The following ZDHHC14 variants were observed in gnomAD, a reference collection of about 807,000 sequenced individuals.
ZDHHC14 encodes zDHHC palmitoyltransferase 14, also known as palmitoyltransferase ZDHHC14.
A neutral mutation model predicts 47.7 loss-of-function variants in ZDHHC14; 16 were observed. That is an observed-to-expected ratio of 0.34 (90% confidence interval 0.23 to 0.51). ZDHHC14 has a LOEUF of 0.51. Among genes scored for constraint, ZDHHC14 ranks in the 20% least tolerant of loss-of-function variants. ZDHHC14 has a pLI of 0.97. For missense variants in ZDHHC14, 515 were observed against 662.5 expected, an observed-to-expected ratio of 0.78 and a Z score of 2.44; for synonymous variants, 293 against 278.9, an observed-to-expected ratio of 1.05 and a Z score of -0.50.
At chr6:157,491,090 C>T (rs886111689) in intron 1 of ZDHHC14, among the ~76,000 whole-genome samples, 1 of 152,090 alleles carries the variant, frequency 6.6e-6, no homozygotes, top group Non-Finnish European at 1.5e-5. Context: ...CCGCACTGCA[C>T]CTCATCCTCA....
At chr6:157,517,881 G>A (rs965148192) in intron 1 of ZDHHC14, among the ~76,000 whole-genome samples, 7 of 152,182 alleles carry the variant, frequency 4.6e-5, no homozygotes, top group East Asian at 1.9e-4. Flanking sequence ...TAAAAGTGTC[G>A]CTGTTGCCCT....
intron 3 of ZDHHC14, among the ~76,000 whole-genome samples, chr6:157,606,489 C>CT (rs770029543): frequency 1.3e-5 from 2 of 152,078 alleles, no homozygotes; most frequent in Non-Finnish European, 2.9e-5. Context: ...AAAGAAAAAT[C>CT]TGAGGAGAGA....
At chr6:157,428,567 T>TA (rs1479240943) in intron 1 of ZDHHC14, among the ~76,000 whole-genome samples, 1 of 152,176 alleles carries the variant, frequency 6.6e-6, no homozygotes, top group Non-Finnish European at 1.5e-5. Flanking sequence ...AGTGGCCTGT[T>TA]ACGCCTTGTG....
rs1301336830 is a variant in ZDHHC14 at position 157,581,548 on chromosome 6, G to A, written c.407-11440G>A. 2.0e-5 allele frequency among the ~76,000 whole-genome samples: 3 copies of A among 152,244 alleles called. No individual in the cohort carries two copies. The East Asian group carries it at 5.8e-4, about 29-fold the overall frequency. On this transcript the variant is annotated intron_variant, in intron 2 of 8. Transcript: ENST00000359775. ...GATCTCTCACTATTATTGTGTGGGA[G>A]TCTAAGTCTCTTTGTGGGTCTCTAA...
chr6:157,385,097 C>T (rs1346592941), intron 1 of ZDHHC14, among the ~76,000 whole-genome samples: 1 of 151,582 alleles, frequency 6.6e-6, no homozygotes, highest in Non-Finnish European at 1.5e-5. Context: ...GTCTAGATAG[C>T]TTTTTATTGG....
At chr6:157,552,730 A>C (rs960214123) in intron 2 of ZDHHC14, among the ~76,000 whole-genome samples, 4 of 152,150 alleles carry the variant, frequency 2.6e-5, no homozygotes, top group African/African-American at 4.8e-5. Context: ...CTGCTGCCTC[A>C]GAAGCCAGGC....
Position 157,586,435 on chromosome 6 carries a change from G to A in ZDHHC14, c.407-6553G>A, listed in dbSNP as rs1048847917. Reference sequence around the variant, plus strand: ...TAGAAAACAGCATTGCCCGCTCAGGGAAACCCAAGGAGGCCACCGTGTTTT... The same window carrying A: ...TAGAAAACAGCATTGCCCGCTCAGGAAAACCCAAGGAGGCCACCGTGTTTT... On this transcript the variant is annotated intron_variant, in intron 2 of 8. Transcript: ENST00000359775. The surrounding 1 kb of genome is among the most constrained non-coding windows in gnomAD (Gnocchi z 4.6). Among the ~76,000 whole-genome samples the A allele has an allele frequency of 2.0e-5, 3 of 152,334 alleles. No homozygotes were observed. Among genetic ancestry groups the A allele is most frequent in the Non-Finnish European group, 2.9e-5 (2 of 68,034 alleles).
chr6:157,484,345 C>T (rs903645045), intron 1 of ZDHHC14, among the ~76,000 whole-genome samples: 22 of 134,436 alleles, frequency 1.6e-4, no homozygotes, highest in Non-Finnish European at 2.2e-4. Flanking sequence ...ATACATTATA[C>T]GTATATATAC....
At chr6:157,656,719 C>CAAAAAAAAAA (rs35815142) in intron 8 of ZDHHC14, among the ~76,000 whole-genome samples, 1 of 106,422 alleles carries the variant, frequency 9.4e-6, no homozygotes. Flanking sequence ...AAAAAAAAAA[C>CAAAAAAAAAA]AAAAAAAAAA....
intron 1 of ZDHHC14, among the ~76,000 whole-genome samples, chr6:157,499,485 C>CCG (rs1780145385): frequency 2.6e-5 from 4 of 151,632 alleles, no homozygotes; most frequent in Admixed American, 2.6e-4. Context: ...CAAAGCCCCC[C>CCG]ACCCCGATAT....
chr6:157,557,267 G>A (rs956214433), intron 2 of ZDHHC14, among the ~76,000 whole-genome samples: 13 of 152,342 alleles, frequency 8.5e-5, no homozygotes, highest in Middle Eastern at 3.4e-3. Context: ...GTGGGAAATT[G>A]CAGCCAAATT....
intron 1 of ZDHHC14, among the ~76,000 whole-genome samples, chr6:157,423,083 TC>T (rs1442063407): frequency 6.6e-6 from 1 of 152,208 alleles, no homozygotes; most frequent in African/African-American, 2.4e-5. Flanking sequence ...ACACAAACCT[TC>T]CCTCAAGGCA....
At chr6:157,533,147 C>T (rs1781424128) in intron 1 of ZDHHC14, among the ~76,000 whole-genome samples, 1 of 152,066 alleles carries the variant, frequency 6.6e-6, no homozygotes, top group African/African-American at 2.4e-5. Context: ...TTAGATGTCT[C>T]TTCATTTCAT....
chr6:157,557,111 T>C (rs1159542004), intron 2 of ZDHHC14, among the ~76,000 whole-genome samples: 1 of 152,206 alleles, frequency 6.6e-6, no homozygotes, highest in Non-Finnish European at 1.5e-5. Context: ...AGTCACCTTC[T>C]CTGAACCAGG....
chr6:157,560,798 C>T (rs746829054), intron 2 of ZDHHC14, among the ~76,000 whole-genome samples: 4 of 152,224 alleles, frequency 2.6e-5, no homozygotes, highest in Non-Finnish European at 4.4e-5. Flanking sequence ...GTGTTTTCAT[C>T]TGGATAATGG....
intron 1 of ZDHHC14, among the ~76,000 whole-genome samples, chr6:157,461,440 G>A (rs1270995771): frequency 6.6e-6 from 1 of 152,206 alleles, no homozygotes; most frequent in African/African-American, 2.4e-5. Context: ...AGATTGCTGT[G>A]GGTTTTGGAA....
intron 2 of ZDHHC14, among the ~76,000 whole-genome samples, chr6:157,554,189 C>T (rs926212827): frequency 2.0e-5 from 3 of 152,130 alleles, no homozygotes; most frequent in African/African-American, 4.8e-5. Flanking sequence ...GATGGAAACT[C>T]GAAGTCTAAG....
chr6:157,497,188 A>G (rs543649711), intron 1 of ZDHHC14, among the ~76,000 whole-genome samples: 6 of 152,352 alleles, frequency 3.9e-5, no homozygotes, highest in African/African-American at 1.4e-4. Flanking sequence ...GACAGTGACT[A>G]TGGTGACTGT....
At chr6:157,612,231 C>G (rs150747828) in intron 3 of ZDHHC14, among the ~76,000 whole-genome samples, 3 of 152,158 alleles carry the variant, frequency 2.0e-5, no homozygotes, top group Non-Finnish European at 2.9e-5. Context: ...AGCTGCAAGC[C>G]GCCATCATCT....
Sources: allele counts gnomAD v4.1 joint callset (sites outside exome capture counted in the v4.1 genomes callset), GRCh38; gene constraint gnomAD v4.1.1; non-coding constraint Gnocchi (gnomAD v3.1); transcripts MANE v1.5; gene names NCBI Gene and HGNC (gene_info 2026-07-23, HGNC 2026-07-21).